TMPRSS6: variants seen among roughly 807,000 people sequenced by gnomAD.
TMPRSS6 encodes transmembrane protease serine 6.
TMPRSS6 carries 67 observed loss-of-function variants against 101.5 expected under a neutral mutation model. The observed-to-expected ratio is 0.66, with a 90% CI of 0.54 to 0.81. The LOEUF is 0.81. Among genes scored for constraint, TMPRSS6 ranks in the 30% least tolerant of loss-of-function variants. The pLI is 0.00. For missense variants in TMPRSS6, 1,034 were observed against 1,088.7 expected, an observed-to-expected ratio of 0.95 and a Z score of 0.71; for synonymous variants, 453 against 464.9, an observed-to-expected ratio of 0.97 and a Z score of 0.33.
intron 10 of TMPRSS6, among the ~76,000 whole-genome samples, chr22:37,077,307 C>G (rs1458561987): frequency 1.3e-5 from 2 of 152,200 alleles, no homozygotes; most frequent in African/African-American, 4.8e-5. Context: ...CTCCGAATTC[C>G]CACTGCAACA....
At chr22:37,088,387 C>T (rs1057411236) in intron 7 of TMPRSS6, among the ~76,000 whole-genome samples, 1 of 152,196 alleles carries the variant, frequency 6.6e-6, no homozygotes, top group Non-Finnish European at 1.5e-5. Context: ...GTCCCATCCC[C>T]ATCTGCCTGG....
At chr22:37,071,200 C>T (rs546967666) in intron 13 of TMPRSS6, among the ~76,000 whole-genome samples, 168 bp from the exon 14 acceptor site, 5 of 152,080 alleles carry the variant, frequency 3.3e-5, no homozygotes, top group African/African-American at 7.2e-5. Flanking sequence ...CATGTCCCCC[C>T]GCCCCCCACA....
intron 7 of TMPRSS6, among the ~76,000 whole-genome samples, chr22:37,086,739 C>T (rs1928819619): frequency 6.6e-6 from 1 of 152,146 alleles, no homozygotes; most frequent in Non-Finnish European, 1.5e-5. Flanking sequence ...GACCCCTCCA[C>T]CCTGCTACAG....
At chr22:37,067,104 T>C (rs1926374865) in intron 16 of TMPRSS6, 142 bp from the exon 17 acceptor site, 9 of 1,201,886 alleles carry the variant, frequency 7.5e-6, no homozygotes, top group Non-Finnish European at 9.5e-6. Flanking sequence ...GGGTCGCACC[T>C]GCCCCTCTGC....
chr22:37,089,679 G>A lies in TMPRSS6; in HGVS notation c.735C>T (p.Asp245=). 1 of 1,612,588 alleles carries A rather than the reference G, an allele frequency of 6.2e-7. No homozygotes were observed. The highest frequency in any genetic ancestry group is 8.5e-7 in the Non-Finnish European group (1 of 1,179,418). ...ACTCCAGCCGGAGTTTGAGCATGAG[G>A]TCCTTGGGGCCCTGCAGGTGCCACA... is the stretch of plus-strand genomic sequence containing the variant. ...SCLWHLQGPK[D]LMLKLRLEWT... is the part of the protein sequence containing the mutation. The change falls in exon 7 of 18, where the codon GAC becomes GAT. Residue 245 remains aspartate, a synonymous_variant. Coordinates refer to ENST00000676104, the MANE Select transcript of TMPRSS6 (RefSeq NM_001374504.1).
upstream of TMPRSS6, among the ~76,000 whole-genome samples, chr22:37,110,032 C>T (rs1930967562): frequency 6.6e-6 from 1 of 151,372 alleles, no homozygotes; most frequent in Non-Finnish European, 1.5e-5. Context: ...GAAAAGGAGG[C>T]TGGGCCCATA....
chr22:37,066,162 A>G lies in TMPRSS6; in HGVS notation c.2327T>C (p.Leu776Pro). 1 of 1,613,204 alleles carries G rather than the reference A, an allele frequency of 6.2e-7. No homozygotes were observed. Among genetic ancestry groups the G allele is most frequent in the Non-Finnish European group, 8.5e-7 (1 of 1,180,018 alleles). The change falls in exon 18 of 18, where the codon CTG becomes CCG. Residue 776 changes from leucine (L) to proline (P), a missense_variant. Leu to Pro is a moderately conservative substitution (Grantham distance 98, BLOSUM62 -3). Coordinates refer to ENST00000676104, the MANE Select transcript of TMPRSS6 (RefSeq NM_001374504.1). ...GAAGTAGTTAGGCCGGCCACAGCCC[A>G]GGCCCCAGCTGACCAGCCCCGCCAG... The part of the protein sequence containing the change: ...WFLAGLVSWG[L>P]GCGRPNYFGV...
At chr22:37,078,224 C>T (rs866604802) in intron 10 of TMPRSS6, among the ~76,000 whole-genome samples, 1 of 152,146 alleles carries the variant, frequency 6.6e-6, no homozygotes, top group Non-Finnish European at 1.5e-5. Context: ...AGAAGGAACC[C>T]AAGCCGGGGT....
chr22:37,090,229 A>G (rs1160012933), intron 6 of TMPRSS6, among the ~76,000 whole-genome samples: 2 of 152,212 alleles, frequency 1.3e-5, no homozygotes, highest in Non-Finnish European at 2.9e-5. Context: ...GGGCACGTGT[A>G]TCTAGAGGAC....
intron 2 of TMPRSS6, among the ~76,000 whole-genome samples, chr22:37,098,829 AC>A (rs1440375049): frequency 5.9e-5 from 9 of 152,160 alleles, no homozygotes; most frequent in Admixed American, 1.3e-4. Flanking sequence ...TGACACAGTG[AC>A]CAGTCCAGGA....
rs1930034016 is a variant in TMPRSS6 at position 37,098,569 on chromosome 22, C to T, written c.203-20G>A. The T allele has an allele frequency of 1.2e-6, 2 of 1,614,088 alleles. No individual in the cohort carries two copies. The highest frequency in any genetic ancestry group is 1.7e-6 in the Non-Finnish European group (2 of 1,179,978). The stretch of plus-strand genomic sequence containing the variant: ...TGTACCCTGCCCAGGAAGGAACCAG[C>T]AGGGTTAGTGGAGGAAGCAGGTGGG... On this transcript the variant is annotated intron_variant, in intron 2 of 17. Coordinates refer to ENST00000676104, the MANE Select transcript of TMPRSS6 (RefSeq NM_001374504.1).
At chr22:37,080,139 G>A (rs923260230) in intron 10 of TMPRSS6, 7 of 152,306 alleles carry the variant, frequency 4.6e-5, no homozygotes, top group Admixed American at 1.3e-4. Context: ...TGGCTTCTGC[G>A]AAATGGAGCA....
At chr22:37,080,002 A>ATGTGGTT (rs1447531742) in intron 10 of TMPRSS6, 1 of 152,302 alleles carries the variant, frequency 6.6e-6, no homozygotes, top group Non-Finnish European at 1.5e-5. Context: ...GCCTGTCCCC[A>ATGTGGTT]CTGGCTGGGA....
chr22:37,096,566 G>T (rs2146156656), intron 4 of TMPRSS6, 82 bp downstream of exon 4: 1 of 1,428,004 alleles, frequency 7.0e-7, no homozygotes, highest in Non-Finnish European at 9.7e-7. Context: ...TGAAGGCATT[G>T]CATCAGAAGC....
intron 6 of TMPRSS6, 55 bp downstream of exon 6, chr22:37,095,491 AAAGTC>A: frequency 6.2e-7 from 1 of 1,602,924 alleles, no homozygotes; most frequent in Non-Finnish European, 8.5e-7. Context: ...GATACACAAC[AAAGTC>A]AAGACAAATG....
chr22:37,089,497 A>T, intron 7 of TMPRSS6, 81 bp downstream of exon 7: 1 of 1,368,202 alleles, frequency 7.3e-7, no homozygotes, highest in South Asian at 1.3e-5. Flanking sequence ...TTGTCTAAGA[A>T]TGCTGTGTGT....
chr22:37,091,710 G>T (rs2146133409), intron 6 of TMPRSS6, among the ~76,000 whole-genome samples: 1 of 152,330 alleles, frequency 6.6e-6, no homozygotes, highest in South Asian at 2.1e-4. Flanking sequence ...ACTCTGTAGA[G>T]GTAGATGTTC....
chr22:37,110,394 T>G (rs1479755740), upstream of TMPRSS6, among the ~76,000 whole-genome samples: 1 of 151,720 alleles, frequency 6.6e-6, no homozygotes, highest in Non-Finnish European at 1.5e-5. Context: ...TCCACCCACC[T>G]CGACCTCCCA....
chr22:37,067,230 G>A (rs1926389012), intron 16 of TMPRSS6, among the ~76,000 whole-genome samples: 1 of 152,166 alleles, frequency 6.6e-6, no homozygotes, highest in African/African-American at 2.4e-5. Context: ...CAGCACTTTG[G>A]GAGGCTGAGG....
Sources: gnomAD v4.1 joint callset for allele counts (sites outside exome capture counted in the v4.1 genomes callset) on GRCh38, gnomAD v4.1.1 for gene constraint, MANE v1.5 for transcripts, NCBI Gene and HGNC (gene_info 2026-07-23, HGNC 2026-07-21) for gene names.